TLK1: variants seen among roughly 807,000 people sequenced by gnomAD.
TLK1 encodes the protein tousled like kinase 1, also known as serine/threonine-protein kinase tousled-like 1.
TLK1 carries 24 observed loss-of-function variants against 105.3 expected under a neutral mutation model. The ratio of observed to expected loss-of-function variants is 0.23; its 90% CI spans 0.17 to 0.32. The LOEUF (loss-of-function observed/expected upper bound fraction) is 0.32, where lower values mean the gene tolerates loss of function less well. Among genes scored for constraint, TLK1 ranks in the 10% least tolerant of loss-of-function variants. TLK1 has a pLI of 1.00. For missense variants in TLK1, 558 were observed against 910.5 expected, an observed-to-expected ratio of 0.61 and a Z score of 4.98; for synonymous variants, 321 against 310.4, an observed-to-expected ratio of 1.03 and a Z score of -0.36.
At chr2:171,149,962 C>G (rs868032929) in intron 1 of TLK1, among the ~76,000 whole-genome samples, 2 of 151,912 alleles carry the variant, frequency 1.3e-5, no homozygotes, top group Non-Finnish European at 2.9e-5. Context: ...GAACGAAAGA[C>G]TGTATAATAA....
intron 2 of TLK1, among the ~76,000 whole-genome samples, chr2:171,099,928 T>C (rs951481158): frequency 6.6e-6 from 1 of 152,198 alleles, no homozygotes; most frequent in African/African-American, 2.4e-5. Context: ...CATAGGTATA[T>C]AAATATGTGA....
intron 11 of TLK1, among the ~76,000 whole-genome samples, chr2:171,041,691 G>C (rs887462897): frequency 1.3e-5 from 2 of 152,064 alleles, no homozygotes; most frequent in Non-Finnish European, 2.9e-5. Flanking sequence ...CCCCACCCCA[G>C]CCCATGAAAA....
chr2:171,127,780 T>C (rs1357773316), intron 1 of TLK1, among the ~76,000 whole-genome samples: 1 of 152,100 alleles, frequency 6.6e-6, no homozygotes, highest in Non-Finnish European at 1.5e-5. Flanking sequence ...TCACATTCCA[T>C]AAACATCGGT....
Position 171,050,067 on chromosome 2 carries a change from T to C in TLK1, c.840A>G (p.Glu280=), listed in dbSNP as rs1687162582. The C allele has an allele frequency of 2.5e-6, 4 of 1,604,230 alleles. No homozygotes were observed. The East Asian group carries it at 8.9e-5, about 36-fold the overall frequency. ...CISMSKKLLI[E]KSTQEKLSSR... ...ATTTACTCAACTTTTAGCCTACCTT[T>C]TCAATAAGAAGTTTCTTGCTCATTG... Residue 280 remains glutamate, a synonymous_variant, in exon 9 of 21, where the codon GAA becomes GAG. Coordinates refer to ENST00000431350, the MANE Select transcript of TLK1 (RefSeq NM_012290.5).
At chr2:171,151,130 A>C (rs1468083350) in intron 1 of TLK1, among the ~76,000 whole-genome samples, 1 of 151,224 alleles carries the variant, frequency 6.6e-6, no homozygotes, top group Non-Finnish European at 1.5e-5. Flanking sequence ...CAGGCGATCC[A>C]CCTCAGCCTC....
chr2:171,135,089 A>T (rs956852902), intron 1 of TLK1, among the ~76,000 whole-genome samples: 6 of 152,154 alleles, frequency 3.9e-5, no homozygotes, highest in African/African-American at 1.4e-4. Context: ...AGAAATGAGG[A>T]AATGTTGGTC....
chr2:171,050,167 C>A lies in TLK1; in HGVS notation c.740G>T (p.Cys247Phe). The change falls in exon 9 of 21, where the codon TGT (cysteine) becomes TTT (phenylalanine). Residue 247 changes from cysteine (C) to phenylalanine (F), a missense_variant. By Grantham distance (205) the Cys-to-Phe change is radical. Transcript: ENST00000431350. ...TTCATCTATTTGCCGTCTGAGATCA[C>A]AGTTAGCCTATGACATAAGTAGAAA... The part of the protein sequence containing the change: ...GRIDDLLRAN[C>F]DLRRQIDEQQ... 6.3e-7 allele frequency: 1 copy of A among 1,594,600 alleles called. No individual in the cohort carries two copies.
chr2:171,104,604 C>T (rs892973703), intron 2 of TLK1, among the ~76,000 whole-genome samples: 1 of 152,100 alleles, frequency 6.6e-6, no homozygotes, highest in Non-Finnish European at 1.5e-5. Flanking sequence ...CAAAGCAATA[C>T]AGAGCTAAAA....
At chr2:171,023,078 A>G (rs1206935152) in intron 12 of TLK1, 1 of 471,026 alleles carries the variant, frequency 2.1e-6, no homozygotes, top group African/African-American at 2.0e-5. Context: ...AGGTGCCAAT[A>G]TCGGTCAGAG....
intron 1 of TLK1, among the ~76,000 whole-genome samples, chr2:171,170,904 G>A (rs889915517): frequency 1.3e-5 from 2 of 152,182 alleles, no homozygotes; most frequent in Non-Finnish European, 2.9e-5. Flanking sequence ...ACTCAGTGAA[G>A]TGGGGTAAAG....
intron 1 of TLK1, among the ~76,000 whole-genome samples, chr2:171,136,815 T>C (rs564021808): frequency 4.6e-5 from 7 of 152,330 alleles, no homozygotes; most frequent in Admixed American, 3.3e-4. Flanking sequence ...AAAGTTACTC[T>C]ATACAAGGAC....
chr2:171,169,519 G>C (rs553570551), intron 1 of TLK1, among the ~76,000 whole-genome samples: 1 of 152,122 alleles, frequency 6.6e-6, no homozygotes, highest in East Asian at 1.9e-4. Flanking sequence ...TGAATTCCTG[G>C]GTCAAGGATT....
intron 12 of TLK1, among the ~76,000 whole-genome samples, chr2:171,022,305 T>C (rs1685566101): frequency 6.6e-6 from 1 of 152,060 alleles, no homozygotes; most frequent in Admixed American, 6.6e-5. Flanking sequence ...TACAGCTAGT[T>C]CCATGTTCTC....
intron 1 of TLK1, among the ~76,000 whole-genome samples, chr2:171,122,352 A>C (rs529106732): frequency 6.6e-6 from 1 of 152,320 alleles, no homozygotes; most frequent in Admixed American, 6.5e-5. Context: ...TGTTAATCCT[A>C]AACAGTAGAG....
rs1055687054 is a variant in TLK1, at chr2:171,104,594, C to T, written c.258+13145G>A. Among the ~76,000 whole-genome samples, 6 of 152,036 alleles carry T rather than the reference C, an allele frequency of 3.9e-5. 1 individual carries two copies. Among genetic ancestry groups the T allele is most frequent in the African/African-American group, 1.4e-4 (6 of 41,388 alleles). ...GAAACCACAGAAGACTCTGAATAGC[C>T]AAAGCAATACAGAGCTAAAAGAATA... On this transcript the variant is annotated intron_variant, in intron 2 of 20. Coordinates refer to ENST00000431350, the MANE Select transcript of TLK1 (RefSeq NM_012290.5).
intron 1 of TLK1, among the ~76,000 whole-genome samples, chr2:171,135,319 G>GTATATATATATATATATATA (rs201751767): frequency 1.4e-5 from 1 of 70,312 alleles, no homozygotes; most frequent in African/African-American, 7.0e-5. Context: ...GTGTGTGTGT[G>GTATATATATATATATATATA]TATATATATA....
At chr2:171,225,705 T>G (rs919028578) in intron 1 of TLK1, among the ~76,000 whole-genome samples, 3 of 152,194 alleles carry the variant, frequency 2.0e-5, no homozygotes, top group African/African-American at 2.4e-5. Flanking sequence ...CATTATTACT[T>G]ATAATAGCAA....
chr2:170,999,573 G>C (rs755353815), intron 18 of TLK1, among the ~76,000 whole-genome samples: 2 of 152,142 alleles, frequency 1.3e-5, no homozygotes, highest in Non-Finnish European at 2.9e-5. Flanking sequence ...TTTGAGACCA[G>C]AGAGACAAAA....
intron 2 of TLK1, among the ~76,000 whole-genome samples, chr2:171,116,890 C>T (rs1284358002): frequency 6.6e-6 from 1 of 152,068 alleles, no homozygotes; most frequent in Non-Finnish European, 1.5e-5. Context: ...TGTATTTATC[C>T]AATTTCAGTC....
Sources: gnomAD v4.1 joint callset for allele counts (sites outside exome capture counted in the v4.1 genomes callset) on GRCh38, gnomAD v4.1.1 for gene constraint, MANE v1.5 for transcripts, NCBI Gene and HGNC (gene_info 2026-07-23, HGNC 2026-07-21) for gene names.